The following CADM2 variants were observed in gnomAD, a reference collection of about 807,000 sequenced individuals.
CADM2 encodes immunoglobulin superfamily member 4D.
In CADM2, 12 loss-of-function variants were observed where a neutral mutation model predicts 49.8. The ratio of observed to expected loss-of-function variants is 0.24; its 90% CI spans 0.15 to 0.39. The LOEUF is 0.39. Among genes scored for constraint, CADM2 ranks in the 10% least tolerant of loss-of-function variants. The pLI, the probability that CADM2 is intolerant of heterozygous loss-of-function variation, is 1.00. For synonymous variants in CADM2, 214 were observed against 175.4 expected (o/e 1.22, Z -1.74); for missense variants, 378 against 492.3 (o/e 0.77, Z 2.20).
chr3:85,159,577 C>A (rs1477772969), intron 1 of CADM2, among the ~76,000 whole-genome samples: 1 of 152,106 alleles, frequency 6.6e-6, no homozygotes, highest in Non-Finnish European at 1.5e-5. Context: ...ATGTTGTTAT[C>A]TGTAGAGCAG....
chr3:85,106,050 A>T (rs1270288365), intron 1 of CADM2, among the ~76,000 whole-genome samples: 3 of 152,070 alleles, frequency 2.0e-5, no homozygotes, highest in Admixed American at 6.6e-5. Flanking sequence ...CATATGTAAC[A>T]AACCTGCACA....
intron 1 of CADM2, among the ~76,000 whole-genome samples, chr3:85,267,956 A>C (rs995809571): frequency 1.3e-5 from 2 of 151,710 alleles, no homozygotes; most frequent in Admixed American, 1.3e-4. Context: ...AAACTCCTAC[A>C]ATGTATTAGG....
At chr3:85,958,413 G>A (rs1179577340) in intron 7 of CADM2, among the ~76,000 whole-genome samples, 1 of 151,924 alleles carries the variant, frequency 6.6e-6, no homozygotes, top group Non-Finnish European at 1.5e-5. Flanking sequence ...TCTAGAACCA[G>A]AAACACCATT....
chr3:85,670,085 T>C (rs6809333), intron 1 of CADM2, among the ~76,000 whole-genome samples: 58,275 of 151,794 alleles, frequency 0.38, 12,278 homozygotes, highest in East Asian at 0.54. Context: ...AAGGTCTCTT[T>C]CAGTGCAAAC....
chr3:85,090,998 T>C (rs1273411329), intron 1 of CADM2, among the ~76,000 whole-genome samples: 1 of 152,148 alleles, frequency 6.6e-6, no homozygotes, highest in East Asian at 1.9e-4. Flanking sequence ...TTCTCAAATA[T>C]AAATGAATAT....
At chr3:85,675,240 G>A (rs1422446332) in intron 1 of CADM2, among the ~76,000 whole-genome samples, 1 of 151,970 alleles carries the variant, frequency 6.6e-6, no homozygotes, top group Non-Finnish European at 1.5e-5. Flanking sequence ...AAGGCTCCAA[G>A]TTTCCATTTT....
At chr3:85,936,524 T>G (rs557787015) in intron 7 of CADM2, among the ~76,000 whole-genome samples, 2 of 151,844 alleles carry the variant, frequency 1.3e-5, no homozygotes, top group Non-Finnish European at 2.9e-5. Context: ...GAAAGCAATA[T>G]GATCATTCTA....
In CADM2 at chr3:86,073,359, T is replaced by C. The variant is rs1422767887; in HGVS notation, c.*6576T>C. On this transcript the variant is annotated 3_prime_UTR_variant, in exon 10 of 10. Transcript: ENST00000383699. ...TAAAGAAGATCCAACAAATTAACCA[T>C]ATAAGCACAGAAAATAGAGAAACAC... The C allele has an allele frequency of 1.3e-5, 2 of 152,100 alleles. No individual in the cohort carries two copies. The highest frequency in any genetic ancestry group is 2.1e-4 in the South Asian group (1 of 4,828). The allele number at this position is 152,100 out of a possible 1,614,324, so 9.4% of individuals were successfully genotyped here. A position where few individuals can be genotyped will look rare whatever the true frequency, so the allele number is the denominator to read the frequency against.
intron 1 of CADM2, among the ~76,000 whole-genome samples, chr3:85,294,612 A>G (rs1342223002): frequency 1.3e-5 from 2 of 152,134 alleles, no homozygotes; most frequent in Middle Eastern, 6.8e-3. Context: ...ATGGAACAGA[A>G]CAGAGCCCTC....
intron 1 of CADM2, among the ~76,000 whole-genome samples, chr3:85,706,070 AT>A (rs1426664681): frequency 1.3e-5 from 2 of 152,158 alleles, no homozygotes; most frequent in African/African-American, 4.8e-5. Context: ...TTGTCATTTT[AT>A]TTTCCTTAGT....
chr3:85,821,943 A>T (rs1437244055), intron 3 of CADM2, among the ~76,000 whole-genome samples: 1 of 152,188 alleles, frequency 6.6e-6, no homozygotes, highest in East Asian at 1.9e-4. Context: ...GATAATTATT[A>T]TGCTTATAAT....
At chr3:85,497,890 T>G (rs970855669) in intron 1 of CADM2, among the ~76,000 whole-genome samples, 1 of 152,148 alleles carries the variant, frequency 6.6e-6, no homozygotes, top group African/African-American at 2.4e-5. Flanking sequence ...TGTATTTGTG[T>G]GTGTGTTTGT....
At chr3:85,030,788 T>A (rs962728035) in intron 1 of CADM2, among the ~76,000 whole-genome samples, 15 of 152,300 alleles carry the variant, frequency 9.8e-5, no homozygotes, top group Admixed American at 7.8e-4. Flanking sequence ...GTGAATTAAG[T>A]TCTCTTTTCT....
intron 1 of CADM2, among the ~76,000 whole-genome samples, chr3:85,001,804 CAT>C: frequency 6.6e-6 from 1 of 152,090 alleles, no homozygotes; most frequent in African/African-American, 2.4e-5. Flanking sequence ...TCTCTTTAAA[CAT>C]AATTTATTTT....
At chr3:85,906,747 A>G (rs1209719224) in intron 5 of CADM2, among the ~76,000 whole-genome samples, 1 of 152,212 alleles carries the variant, frequency 6.6e-6, no homozygotes, top group Non-Finnish European at 1.5e-5. Flanking sequence ...AAGTTATACA[A>G]TGTAAAATAT....
At position 85,138,148 on chromosome 3, in the gene CADM2, C is replaced by T. The variant is rs113950087; in HGVS notation, c.61+178480C>T. On this transcript the variant is annotated intron_variant, in intron 1 of 9. Coordinates refer to ENST00000383699, the MANE Select transcript of CADM2 (RefSeq NM_001167675.2). ...GTCAGAATTCTTCAGTGAGTCATGC[C>T]ATTATTTTCAGCTGTTCTTTCCTTT... Among the ~76,000 whole-genome samples the T allele has an allele frequency of 3.3e-5, 5 of 152,228 alleles. 1 individual carries two copies. The highest frequency in any genetic ancestry group is 1.2e-4 in the African/African-American group (5 of 41,550).
chr3:84,982,674 A>G (rs1184961090), intron 1 of CADM2, among the ~76,000 whole-genome samples: 3 of 145,934 alleles, frequency 2.1e-5, no homozygotes, highest in African/African-American at 7.5e-5. Flanking sequence ...AATATATTGT[A>G]TTGACATATA....
chr3:85,482,029 G>A (rs1468974744), intron 1 of CADM2, among the ~76,000 whole-genome samples: 1 of 151,724 alleles, frequency 6.6e-6, no homozygotes, highest in Non-Finnish European at 1.5e-5. Flanking sequence ...GTAAAAGGGA[G>A]AAGTGTTCAT....
chr3:85,831,350 A>T (rs2074178503), intron 3 of CADM2, among the ~76,000 whole-genome samples: 1 of 151,946 alleles, frequency 6.6e-6, no homozygotes. Context: ...CATACCCAGT[A>T]ATGGGATTGC....
Sources: allele counts gnomAD v4.1 joint callset (sites outside exome capture counted in the v4.1 genomes callset), GRCh38; gene constraint gnomAD v4.1.1; transcripts MANE v1.5; gene names NCBI Gene and HGNC (gene_info 2026-07-23, HGNC 2026-07-21).